MEMO1: variants seen among roughly 807,000 people sequenced by gnomAD.
MEMO1 encodes the protein protein MEMO1.
In MEMO1, 6 loss-of-function variants were observed where a neutral mutation model predicts 45.2. The ratio of observed to expected loss-of-function variants is 0.13; its 90% CI spans 0.07 to 0.26. The LOEUF (loss-of-function observed/expected upper bound fraction) is 0.26, where lower values mean the gene tolerates loss of function less well. MEMO1 is among the 10% of genes least tolerant of loss of function. MEMO1 has a pLI of 1.00. For missense variants in MEMO1, 184 were observed against 370.5 expected, an observed-to-expected ratio of 0.50 and a Z score of 4.13; for synonymous variants, 78 against 124.3, an observed-to-expected ratio of 0.63 and a Z score of 2.48.
intron 3 of MEMO1, among the ~76,000 whole-genome samples, chr2:31,940,299 C>T (rs369162204): frequency 1.3e-3 from 204 of 152,226 alleles, no homozygotes; most frequent in Non-Finnish European, 2.3e-3. Context: ...AAGTCTGGTG[C>T]CTCTTCTTTG....
intron 3 of MEMO1, among the ~76,000 whole-genome samples, chr2:31,937,682 C>G (rs1408219410): frequency 1.3e-5 from 2 of 152,098 alleles, no homozygotes; most frequent in Non-Finnish European, 2.9e-5. Context: ...TATCCTTTCT[C>G]CCATACTACT....
chr2:31,988,590 C>G (rs560339466), intron 2 of MEMO1, among the ~76,000 whole-genome samples: 60 of 152,288 alleles, frequency 3.9e-4, no homozygotes, highest in African/African-American at 1.4e-3. Context: ...GATAAAACTG[C>G]TGTTGTCTCA....
chr2:31,918,158 A>G (rs1681745655), intron 5 of MEMO1, 121 bp from the exon 6 acceptor site: 1 of 497,620 alleles, frequency 2.0e-6, no homozygotes, highest in Middle Eastern at 3.9e-4. Context: ...ACCATATAAT[A>G]TTCTCATTTT....
intron 2 of MEMO1, among the ~76,000 whole-genome samples, chr2:31,987,821 TA>T (rs560108022): frequency 6.6e-6 from 1 of 152,098 alleles, no homozygotes; most frequent in Non-Finnish European, 1.5e-5. Flanking sequence ...TAGTGTATGG[TA>T]AAAAAAGCAG....
At chr2:31,938,595 C>T (rs1665216977) in intron 3 of MEMO1, among the ~76,000 whole-genome samples, 1 of 151,840 alleles carries the variant, frequency 6.6e-6, no homozygotes, top group Non-Finnish European at 1.5e-5. Flanking sequence ...TTGCAGTGAG[C>T]TGAGATCGCG....
At chr2:31,981,467 T>C (rs752715480) in intron 2 of MEMO1, among the ~76,000 whole-genome samples, 1 of 152,250 alleles carries the variant, frequency 6.6e-6, no homozygotes, top group Non-Finnish European at 1.5e-5. Flanking sequence ...TATCCAAATG[T>C]TAAAAATAAT....
intron 2 of MEMO1, among the ~76,000 whole-genome samples, chr2:31,986,151 T>C (rs779298612): frequency 9.2e-5 from 14 of 152,200 alleles, no homozygotes; most frequent in Middle Eastern, 3.4e-3. Flanking sequence ...TCCCAGCACT[T>C]TGGGAGGCCG....
At chr2:31,915,974 T>C (rs904500550) in intron 6 of MEMO1, among the ~76,000 whole-genome samples, 2 of 152,140 alleles carry the variant, frequency 1.3e-5, no homozygotes, top group Non-Finnish European at 2.9e-5. Flanking sequence ...GTCCAACTAA[T>C]GCTACAAAGA....
At chr2:31,998,102 C>G (rs538367648) in intron 2 of MEMO1, among the ~76,000 whole-genome samples, 1 of 152,282 alleles carries the variant, frequency 6.6e-6, no homozygotes, top group East Asian at 1.9e-4. Flanking sequence ...GCCTCAACCT[C>G]CCAGGCACAA....
chr2:31,956,058 C>A (rs1185097574), intron 2 of MEMO1, among the ~76,000 whole-genome samples: 1 of 152,212 alleles, frequency 6.6e-6, no homozygotes, highest in East Asian at 1.9e-4. Flanking sequence ...AAAGCAACCA[C>A]CTCAAGTGAC....
intron 2 of MEMO1, among the ~76,000 whole-genome samples, chr2:31,992,587 C>A (rs888382609): frequency 3.9e-5 from 6 of 152,306 alleles, no homozygotes; most frequent in African/African-American, 1.4e-4. Flanking sequence ...AGTTCGAGAC[C>A]AGCCTGGCCA....
intron 2 of MEMO1, among the ~76,000 whole-genome samples, chr2:31,966,862 G>T (rs983227597): frequency 6.6e-6 from 1 of 152,046 alleles, no homozygotes; most frequent in Non-Finnish European, 1.5e-5. Context: ...TATGCTTTCA[G>T]TGATTATTCT....
chr2:31,913,915 C>T lies in MEMO1; in HGVS notation c.437+4011G>A, dbSNP rs764376271. ...TCTCCTTGAATTTAGCCTTATGATG[C>T]GGTTTGACCAGTAGAATGAGGCATA... On this transcript the variant is annotated intron_variant, in intron 6 of 9. Transcript: ENST00000404530. Among the ~76,000 whole-genome samples, 11 of 152,198 alleles carry T rather than the reference C, an allele frequency of 7.2e-5. No homozygotes were observed. The South Asian group carries it at 1.7e-3, about 23-fold the overall frequency.
At chr2:31,962,426 A>G (rs1454550829) in intron 2 of MEMO1, among the ~76,000 whole-genome samples, 1 of 152,086 alleles carries the variant, frequency 6.6e-6, no homozygotes, top group South Asian at 2.1e-4. Context: ...AGAGAGAGAG[A>G]TAACTATAAA....
chr2:31,872,212 C>T (rs1673887875), intron 8 of MEMO1, among the ~76,000 whole-genome samples: 1 of 152,086 alleles, frequency 6.6e-6, no homozygotes, highest in Non-Finnish European at 1.5e-5. Context: ...AACAGAGGCA[C>T]AAAACAGGCA....
intron 2 of MEMO1, chr2:31,963,359 G>A: frequency 1.6e-6 from 2 of 1,223,808 alleles, no homozygotes; most frequent in East Asian, 3.0e-5. Flanking sequence ...TACCCTACTG[G>A]TTCTGTTTCT....
intron 2 of MEMO1, among the ~76,000 whole-genome samples, chr2:32,002,182 T>TACACACAC (rs1456569960): frequency 8.3e-6 from 1 of 120,282 alleles, no homozygotes; most frequent in Non-Finnish European, 1.8e-5. Context: ...TATATATATA[T>TACACACAC]ATATACACAC....
chr2:31,982,783 C>T (rs2148508128), intron 2 of MEMO1, among the ~76,000 whole-genome samples: 1 of 152,088 alleles, frequency 6.6e-6, no homozygotes, highest in South Asian at 2.1e-4. Flanking sequence ...TTCATGTATA[C>T]TGGCATTGAA....
intron 2 of MEMO1, among the ~76,000 whole-genome samples, chr2:31,987,117 C>T (rs533055051): frequency 1.3e-5 from 2 of 152,286 alleles, no homozygotes; most frequent in South Asian, 4.1e-4. Flanking sequence ...AATCCTCCCA[C>T]CTCAGCCTCC....
Sources: allele counts gnomAD v4.1 joint callset (sites outside exome capture counted in the v4.1 genomes callset), GRCh38; gene constraint gnomAD v4.1.1; transcripts MANE v1.5; gene names NCBI Gene and HGNC (gene_info 2026-07-23, HGNC 2026-07-21).